ELP2: variants seen among roughly 807,000 people sequenced by gnomAD.
ELP2 encodes elongator acetyltransferase complex subunit 2, also known as elongator complex protein 2.
Under a neutral mutation model 119.2 loss-of-function variants are expected in ELP2, and 90 were observed. The ratio of observed to expected loss-of-function variants is 0.75; its 90% CI spans 0.64 to 0.90. The LOEUF is 0.90. Ranked by LOEUF, ELP2 falls within the 40% of genes least tolerant of loss-of-function variation. The pLI, the probability that ELP2 is intolerant of heterozygous loss-of-function variation, is 0.00. For missense variants in ELP2, 921 were observed against 967.8 expected (o/e 0.95, Z 0.64); for synonymous variants, 339 against 331.0 (o/e 1.02, Z -0.26).
intron 12 of ELP2, among the ~76,000 whole-genome samples, chr18:36,155,267 C>G (rs1303073869): frequency 1.5e-5 from 1 of 66,738 alleles, no homozygotes; most frequent in Admixed American, 1.7e-4. Flanking sequence ...CCGCCCCTCC[C>G]CCCCCCCCGC....
chr18:36,156,386 T>C, intron 12 of ELP2, 80 bp from the exon 13 acceptor site: 1 of 1,316,060 alleles, frequency 7.6e-7, no homozygotes, highest in Non-Finnish European at 1.1e-6. Flanking sequence ...CATTGTATAG[T>C]AAATAATTTT....
At chr18:36,148,116 T>TG (rs1394742902) in intron 11 of ELP2, among the ~76,000 whole-genome samples, 1 of 145,496 alleles carries the variant, frequency 6.9e-6, no homozygotes, top group East Asian at 2.1e-4. Context: ...TTTTTTGAGA[T>TG]GGAGTCTCAC....
In ELP2 at chr18:36,177,311, A is replaced by C. The variant is rs1184649842; in HGVS notation, c.*2670A>C. 1 of 152,208 alleles carries C rather than the reference A, an allele frequency of 6.6e-6. No homozygotes were observed. Among genetic ancestry groups the C allele is most frequent in the Non-Finnish European group, 1.5e-5 (1 of 68,042 alleles). The allele number at this position is 152,208 out of a possible 1,614,324, so 9.4% of individuals were successfully genotyped here. On this transcript the variant is annotated 3_prime_UTR_variant, in exon 22 of 22. Coordinates refer to ENST00000358232, the MANE Select transcript of ELP2 (RefSeq NM_018255.4). ...AAATGTGGTATATTCATACAGTGGA[A>C]TATTATTCAGCCTCTAAAAGGAAGA... is the stretch of plus-strand genomic sequence containing the variant.
rs764572776 is a variant in ELP2, at chr18:36,179,663, GAC to G, written c.*5026_*5027del. On this transcript the variant is annotated 3_prime_UTR_variant, in exon 22 of 22. Coordinates refer to ENST00000358232, the MANE Select transcript of ELP2 (RefSeq NM_018255.4). Reference sequence around the variant, plus strand: ...GCTGACTGTCCCCAGACTGTCTCCCGACACAGAGGGATGCAAAGGCAGCCTCT... The same window carrying G: ...GCTGACTGTCCCCAGACTGTCTCCCGACAGAGGGATGCAAAGGCAGCCTCT... The G allele has an allele frequency of 5.3e-5, 8 of 152,126 alleles. No homozygotes were observed. Among genetic ancestry groups the G allele is most frequent in the Non-Finnish European group, 1.0e-4 (7 of 68,032 alleles). The allele number at this position is 152,126 out of a possible 1,614,324, so 9.4% of individuals were successfully genotyped here.
In ELP2 at chr18:36,178,604, G is replaced by C. The variant is rs1329201005; in HGVS notation, c.*3963G>C. 1 of 151,912 alleles carries C rather than the reference G, an allele frequency of 6.6e-6. No individual in the cohort carries two copies. The highest frequency in any genetic ancestry group is 2.4e-5 in the African/African-American group (1 of 41,350). 9.4% of individuals were successfully genotyped at this position (151,912 alleles called of 1,614,324 possible). On this transcript the variant is annotated 3_prime_UTR_variant, in exon 22 of 22. Transcript: ENST00000358232. ...GGAAACAACATTTAAACATATGACA[G>C]TGGGGCTATGGTTATGATTGGTTTT...
intron 14 of ELP2, 52 bp from the exon 15 acceptor site, chr18:36,159,678 CAAGTG>C (rs2090672097): frequency 3.8e-6 from 5 of 1,305,262 alleles, no homozygotes; most frequent in Admixed American, 1.7e-5. Flanking sequence ...AATATTGAGA[CAAGTG>C]AAGGAGATAT....
At chr18:36,160,847 A>G (rs961285039) in intron 16 of ELP2, 85 bp from the exon 17 acceptor site, 20 of 842,256 alleles carry the variant, frequency 2.4e-5, no homozygotes, top group Non-Finnish European at 3.6e-5. Flanking sequence ...AGAGAGGTTG[A>G]TGTTATTCTT....
chr18:36,129,923 C>G lies in ELP2; in HGVS notation c.-11C>G. ...CGCGTCTCTTGTTTGTGCGGCTGAC[C>G]AGTTGGCGACATGGTGGCACCCGTG... On this transcript the variant is annotated 5_prime_UTR_variant, in exon 1 of 22. Transcript: ENST00000358232. The G allele has an allele frequency of 6.2e-7, 1 of 1,614,188 alleles. No individual in the cohort carries two copies. Among genetic ancestry groups the G allele is most frequent in the Non-Finnish European group, 8.5e-7 (1 of 1,180,044 alleles).
chr18:36,169,966 G>A, intron 19 of ELP2, 97 bp from the exon 20 acceptor site: 1 of 1,501,868 alleles, frequency 6.7e-7, no homozygotes, highest in Non-Finnish European at 9.2e-7. Context: ...AAATACCAGA[G>A]CAAATACTTT....
At position 36,147,670 on chromosome 18, in the gene ELP2, G is replaced by A. The variant is rs190680508; in HGVS notation, c.1125+1289G>A. On this transcript the variant is annotated intron_variant, in intron 11 of 21. Coordinates refer to ENST00000358232, the MANE Select transcript of ELP2 (RefSeq NM_018255.4). Reference sequence around the variant, plus strand: ...CTCAGGTGATTCTGCCCCTCCCCCCGCCTCAGCCTCCCAAAGTGCTGGGAT... The same window carrying A: ...CTCAGGTGATTCTGCCCCTCCCCCCACCTCAGCCTCCCAAAGTGCTGGGAT... Among the ~76,000 whole-genome samples, 102 of 151,922 alleles carry A rather than the reference G, an allele frequency of 6.7e-4. 1 individual carries two copies. Among genetic ancestry groups the A allele is most frequent in the Admixed American group, 4.9e-3 (75 of 15,246 alleles).
At chr18:36,155,053 C>G in intron 12 of ELP2, 54 bp downstream of exon 12, 1 of 1,485,452 alleles carries the variant, frequency 6.7e-7, no homozygotes, top group Non-Finnish European at 9.3e-7. Context: ...TTTCACATCA[C>G]CCAGGCTGAA....
At chr18:36,170,774 T>G in intron 20 of ELP2, 1 of 507,146 alleles carries the variant, frequency 2.0e-6, no homozygotes, top group Non-Finnish European at 3.5e-6. Context: ...ACAAGCATCT[T>G]CAGTGGAACA....
intron 21 of ELP2, among the ~76,000 whole-genome samples, chr18:36,171,784 C>G (rs1383498914): frequency 6.6e-6 from 1 of 152,148 alleles, no homozygotes; most frequent in Non-Finnish European, 1.5e-5. Context: ...TGGCAAGATC[C>G]CAGCTCACTG....
In ELP2 at chr18:36,159,780, G is replaced by C. The variant is rs763479571; in HGVS notation, c.1580G>C (p.Ser527Thr). Residue 527 changes from serine (S) to threonine (T), a missense_variant, in exon 15 of 22, where the codon AGT becomes ACT. Physicochemically the swap from Ser to Thr is moderately conservative, Grantham distance 58. Transcript: ENST00000358232. The stretch of plus-strand genomic sequence containing the variant: ...TCTGATGAAGAGGAGCTGTTAACTA[G>C]TACTGGTTTTGAGTATCAGCAGGTG... Reference protein sequence around the residue: ...QPSDEEELLTSTGFEYQQVAF... With the variant: ...QPSDEEELLTTTGFEYQQVAF... 1 of 1,614,074 alleles carries C rather than the reference G, an allele frequency of 6.2e-7. No individual in the cohort carries two copies. The highest frequency in any genetic ancestry group is 8.5e-7 in the Non-Finnish European group (1 of 1,179,976).
chr18:36,136,708 G>A (rs1361741844), intron 3 of ELP2: 2 of 282,808 alleles, frequency 7.1e-6, no homozygotes, highest in South Asian at 4.1e-5. Flanking sequence ...CACAAATGCT[G>A]TATCTTTTAT....
intron 3 of ELP2, 194 bp from the exon 4 acceptor site, chr18:36,138,076 T>A (rs1044378183): frequency 7.0e-6 from 4 of 574,346 alleles, no homozygotes; most frequent in Non-Finnish European, 1.2e-5. Context: ...GATTCCTAGA[T>A]ATGAGATTGC....
At position 36,147,850 on chromosome 18, in the gene ELP2, C is replaced by T. The variant is rs796107307; in HGVS notation, c.1125+1469C>T. Among the ~76,000 whole-genome samples the T allele has an allele frequency of 2.0e-5, 3 of 152,200 alleles. No individual in the cohort carries two copies. The South Asian group carries it at 6.2e-4, about 32-fold the overall frequency. On this transcript the variant is annotated intron_variant, in intron 11 of 21. Transcript: ENST00000358232. ...TTATTATTGTTGTGTTTTTTATTAA[C>T]ACTTACTTTTTTTTATAAAGTATAT...
intron 1 of ELP2, among the ~76,000 whole-genome samples, chr18:36,130,581 CA>C (rs1206555962): frequency 6.6e-6 from 1 of 152,126 alleles, no homozygotes; most frequent in Non-Finnish European, 1.5e-5. Flanking sequence ...GGGGAAAGGT[CA>C]TAGGGGATGG....
At chr18:36,149,181 C>T (rs2090307814) in intron 11 of ELP2, among the ~76,000 whole-genome samples, 1 of 152,182 alleles carries the variant, frequency 6.6e-6, no homozygotes, top group Non-Finnish European at 1.5e-5. Flanking sequence ...TCCTTCTCTC[C>T]ATTAATACCC....
Sources: gnomAD v4.1 joint callset for allele counts (sites outside exome capture counted in the v4.1 genomes callset) on GRCh38, gnomAD v4.1.1 for gene constraint, MANE v1.5 for transcripts, NCBI Gene and HGNC (gene_info 2026-07-23, HGNC 2026-07-21) for gene names.